Variants in FGFR1 observed in about 807,000 individuals in gnomAD.
FGFR1 encodes fibroblast growth factor receptor 1, also known as FGFR1/PLAG1 fusion.
FGFR1 carries 18 observed loss-of-function variants against 93.7 expected under a neutral mutation model. The ratio of observed to expected loss-of-function variants is 0.19; its 90% CI spans 0.13 to 0.28. The LOEUF is 0.28. Among genes scored for constraint, FGFR1 ranks in the 10% least tolerant of loss-of-function variants. FGFR1 has a pLI of 1.00. For missense variants in FGFR1, 731 were observed against 1,080.4 expected (o/e 0.68, Z 4.53); for synonymous variants, 448 against 429.3 (o/e 1.04, Z -0.54).
intron 2 of FGFR1, among the ~76,000 whole-genome samples, chr8:38,442,362 G>GGTGTGTGTGTGTGTGTGTGTGTGT (rs56889687): frequency 6.8e-5 from 10 of 146,060 alleles, no homozygotes; most frequent in East Asian, 4.1e-4. Context: ...TTGTTAAAGT[G>GGTGTGTGTGTGTGTGTGTGTGTGT]GTGTGTGTGT....
chr8:38,440,306 C>T (rs2151103862), intron 2 of FGFR1: 1 of 1,604,166 alleles, frequency 6.2e-7, no homozygotes, highest in Non-Finnish European at 8.5e-7. Flanking sequence ...GAAAACTTAC[C>T]TTCGGCTGGC....
intron 12 of FGFR1, among the ~76,000 whole-genome samples, chr8:38,416,427 G>C (rs1015880794): frequency 5.3e-5 from 8 of 150,316 alleles, no homozygotes; most frequent in African/African-American, 2.0e-4. Context: ...TGGGATTACA[G>C]GCATGAACAA....
At position 38,429,778 on chromosome 8, in the gene FGFR1, C is replaced by A. The variant is rs139867599; in HGVS notation, c.262G>T (p.Val88Leu). 5.6e-6 allele frequency: 9 copies of A among 1,610,612 alleles called. No individual in the cohort carries two copies. The African/African-American group carries it at 1.1e-4, about 19-fold the overall frequency. Residue 88 changes from valine to leucine, a missense_variant, in exon 3 of 18, where the codon GTG becomes TTG. By Grantham distance (32) the Val-to-Leu change is conservative (BLOSUM62 1). This residue lies in a region of FGFR1 where 212 missense variants were observed against 205.8 expected (regional missense o/e 1.03). Transcript: ENST00000447712. The surrounding 1 kb of genome is among the most constrained non-coding windows in gnomAD (Gnocchi z 4.4). ...RTRITGEEVEVQDSVPADSGL... is the reference protein window; with the variant it reads ...RTRITGEEVELQDSVPADSGL... ...GAGTCTGCGGGCACGGAGTCCTGCACCTCCACCTCCTCCCCTGTGATGCGG... is the reference window on the plus strand; with the variant it reads ...GAGTCTGCGGGCACGGAGTCCTGCAACTCCACCTCCTCCCCTGTGATGCGG...
intron 1 of FGFR1, among the ~76,000 whole-genome samples, chr8:38,466,895 AC>A (rs35393411): frequency 0.82 from 112,148 of 136,132 alleles, 45,214 homozygotes; most frequent in Non-Finnish European, 0.85. Context: ...TTCACACCCC[AC>A]CCCCCCCCCA....
At position 38,415,948 on chromosome 8, in the gene FGFR1, C is replaced by A. The variant is rs926779719; in HGVS notation, c.1776G>T (p.Glu592Asp). 8.1e-6 allele frequency: 13 copies of A among 1,614,156 alleles called. No homozygotes were observed. The highest frequency in any genetic ancestry group is 1.0e-5 in the Non-Finnish European group (12 of 1,180,038). Residue 592 changes from glutamate (E) to aspartate (D), a missense_variant, in exon 13 of 18, where the codon GAG (glutamate) becomes GAT (aspartate). By Grantham distance (45) the Glu-to-Asp change is conservative. This residue lies in a region of FGFR1 where 39 missense variants were observed against 39.2 expected (regional missense o/e 1.00). Transcript: ENST00000447712. ...EYCYNPSHNPEEQLSSKDLVS... is the reference protein window; with the variant it reads ...EYCYNPSHNPDEQLSSKDLVS... Reference sequence around the variant, plus strand: ...CCAGGTCCTTGGAGGAGAGCTGCTCCTCTGGGTTGTGGCTGGGGTTGTAGC... The same window carrying A: ...CCAGGTCCTTGGAGGAGAGCTGCTCATCTGGGTTGTGGCTGGGGTTGTAGC...
Position 38,419,705 on chromosome 8 carries a change from G to A in FGFR1, c.1112C>T (p.Ser371Leu), listed in dbSNP as rs961818413. Reference protein sequence around the residue: ...ALEERPAVMTSPLYLEIIIYC... With the variant: ...ALEERPAVMTLPLYLEIIIYC... Reference sequence around the variant, plus strand: ...GATGATGATCTCCAGGTACAGGGGCGAGGTCATCACTGCCGGCCTCTCTTC... The same window carrying A: ...GATGATGATCTCCAGGTACAGGGGCAAGGTCATCACTGCCGGCCTCTCTTC... Residue 371 changes from serine (S) to leucine (L), a missense_variant, in exon 9 of 18, where the codon TCG becomes TTG. Physicochemically the swap from Ser to Leu is moderately radical, Grantham distance 145. This residue lies in a region of FGFR1 where 146 missense variants were observed against 173.0 expected (regional missense o/e 0.84). Coordinates refer to ENST00000447712, the MANE Select transcript of FGFR1 (RefSeq NM_023110.3). 3 of 1,614,140 alleles carry A rather than the reference G, an allele frequency of 1.9e-6. No homozygotes were observed. The highest frequency in any genetic ancestry group is 1.1e-5 in the South Asian group (1 of 91,082).
chr8:38,453,895 AAACC>A (rs898199364), intron 2 of FGFR1, among the ~76,000 whole-genome samples: 3 of 151,954 alleles, frequency 2.0e-5, no homozygotes, highest in East Asian at 1.9e-4. Context: ...CTGTCTCTTA[AAACC>A]AACCAACCAA....
At chr8:38,428,224 C>T in intron 4 of FGFR1, 122 bp downstream of exon 4, 1 of 1,468,554 alleles carries the variant, frequency 6.8e-7, no homozygotes, top group East Asian at 2.3e-5. Flanking sequence ...GTGCCTGGCA[C>T]TTAGCAGAAC....
At chr8:38,437,590 G>A (rs1002087506) in intron 2 of FGFR1, among the ~76,000 whole-genome samples, 5 of 152,212 alleles carry the variant, frequency 3.3e-5, no homozygotes, top group African/African-American at 4.8e-5. Flanking sequence ...AAATGTCTGG[G>A]GGGAACAGAA....
At chr8:38,450,912 G>A (rs1388253373) in intron 2 of FGFR1, among the ~76,000 whole-genome samples, 3 of 152,148 alleles carry the variant, frequency 2.0e-5, no homozygotes, top group Non-Finnish European at 4.4e-5. Context: ...AGGGCCACGT[G>A]AGCGTCCTCA....
Position 38,447,098 on chromosome 8 carries a change from A to AACACACACAC in FGFR1, c.91+10248_91+10257dup, listed in dbSNP as rs57917657. 8.5e-4 allele frequency among the ~76,000 whole-genome samples: 114 copies of AACACACACAC among 133,362 alleles called. 2 individuals carry two copies. The highest frequency in any genetic ancestry group is 1.3e-3 in the Admixed American group (17 of 13,096). The allele number at this position is 133,362 out of a possible 152,430, so 87.5% of individuals were successfully genotyped here. ...GCCACAGGAGATATTACTGCAAGCA[A>AACACACACAC]ACACACACACACACACACACACACA... On this transcript the variant is annotated intron_variant, in intron 2 of 17. Transcript: ENST00000447712.
chr8:38,457,732 T>TGGTG (rs1833255968), intron 1 of FGFR1, among the ~76,000 whole-genome samples, 198 bp from the exon 2 acceptor site: 1 of 152,174 alleles, frequency 6.6e-6, no homozygotes, highest in African/African-American at 2.4e-5. Flanking sequence ...CACCCTGTAA[T>TGGTG]CCCAGCACTT....
At chr8:38,443,496 CAA>C (rs57381266) in intron 2 of FGFR1, among the ~76,000 whole-genome samples, 61 of 105,010 alleles carry the variant, frequency 5.8e-4, no homozygotes, top group Middle Eastern at 5.2e-3. Flanking sequence ...CTCATCTCTA[CAA>C]AAAAAAAAAA....
At chr8:38,415,820 G>T (rs1225696462) in intron 13 of FGFR1, 50 bp downstream of exon 13, 1 of 1,560,654 alleles carries the variant, frequency 6.4e-7, no homozygotes, top group South Asian at 1.1e-5. Flanking sequence ...AGACTAGGGG[G>T]GCTCTGTTCC....
chr8:38,430,688 G>A (rs17182254), intron 2 of FGFR1: 2,411 of 152,338 alleles, frequency 0.016, 30 homozygotes, highest in Non-Finnish European at 0.024. Context: ...AGGAGCTGTC[G>A]CACACAAAGG....
chr8:38,446,034 C>G (rs1829147723), intron 2 of FGFR1, among the ~76,000 whole-genome samples: 1 of 152,006 alleles, frequency 6.6e-6, no homozygotes, highest in Non-Finnish European at 1.5e-5. Flanking sequence ...GGCTGGAGTG[C>G]TGATAAGCAT....
chr8:38,466,036 C>A, intron 1 of FGFR1: 1 of 230,844 alleles, frequency 4.3e-6, no homozygotes, highest in Non-Finnish European at 8.6e-6. Context: ...ACCCTCCCGG[C>A]AACTTTGGAC....
chr8:38,420,158 T>G (rs913258403), intron 8 of FGFR1: 3 of 190,450 alleles, frequency 1.6e-5, no homozygotes, highest in African/African-American at 6.9e-5. Context: ...GCACTTAACA[T>G]GCGGGGACAC....
intron 2 of FGFR1, among the ~76,000 whole-genome samples, chr8:38,439,144 T>C (rs576491052): frequency 1.4e-4 from 22 of 152,098 alleles, no homozygotes; most frequent in Non-Finnish European, 2.8e-4. Flanking sequence ...CATTTAAACA[T>C]GGAAAAATGG....
Sources: allele counts gnomAD v4.1 joint callset (sites outside exome capture counted in the v4.1 genomes callset), GRCh38; gene constraint gnomAD v4.1.1; regional missense constraint gnomAD v4.1.1; non-coding constraint Gnocchi (gnomAD v3.1); transcripts MANE v1.5; gene names NCBI Gene and HGNC (gene_info 2026-07-23, HGNC 2026-07-21).